Variants in SSH2 observed in about 807,000 individuals in gnomAD.
SSH2 encodes the protein protein phosphatase Slingshot homolog 2.
In SSH2, 37 loss-of-function variants were observed where a neutral mutation model predicts 135.2. The ratio of observed to expected loss-of-function variants is 0.27; its 90% CI spans 0.21 to 0.36. The LOEUF is 0.36. Among genes scored for constraint, SSH2 ranks in the 10% least tolerant of loss-of-function variants. The pLI is 1.00. For missense variants in SSH2, 1,408 were observed against 1,765.3 expected, an observed-to-expected ratio of 0.80 and a Z score of 3.63; for synonymous variants, 628 against 646.2, an observed-to-expected ratio of 0.97 and a Z score of 0.43.
chr17:29,879,970 G>A (rs1010902170), intron 1 of SSH2, among the ~76,000 whole-genome samples: 1 of 152,136 alleles, frequency 6.6e-6, no homozygotes, highest in African/African-American at 2.4e-5. Flanking sequence ...TTTTGCTCAT[G>A]AGACTCAAAT....
At chr17:29,820,565 G>A (rs2042634519) in intron 2 of SSH2, among the ~76,000 whole-genome samples, 1 of 152,180 alleles carries the variant, frequency 6.6e-6, no homozygotes, top group African/African-American at 2.4e-5. Flanking sequence ...TGTTGGTAAT[G>A]CATACACACT....
chr17:29,854,671 G>A (rs1354296099), intron 1 of SSH2, among the ~76,000 whole-genome samples: 1 of 151,662 alleles, frequency 6.6e-6, no homozygotes, highest in African/African-American at 2.4e-5. Context: ...CAAGAGGCCG[G>A]GCACGGTGGC....
intron 3 of SSH2, among the ~76,000 whole-genome samples, chr17:29,728,403 C>T (rs572335122): frequency 7.2e-5 from 11 of 152,052 alleles, no homozygotes; most frequent in South Asian, 4.2e-4. Context: ...AAATTGAAGA[C>T]GACACCAAAA....
intron 3 of SSH2, among the ~76,000 whole-genome samples, chr17:29,793,254 C>T (rs1788566491): frequency 6.6e-6 from 1 of 152,124 alleles, no homozygotes; most frequent in Non-Finnish European, 1.5e-5. Flanking sequence ...ACCCTTCTAA[C>T]AACATGCCCA....
At chr17:29,716,446 T>C (rs908373875) in intron 3 of SSH2, 1 of 673,278 alleles carries the variant, frequency 1.5e-6, no homozygotes, top group African/African-American at 1.8e-5. Context: ...GCAAGAATCT[T>C]GCCCTCAACT....
At chr17:29,702,907 G>T in intron 4 of SSH2, 52 bp downstream of exon 4, 1 of 1,346,450 alleles carries the variant, frequency 7.4e-7, no homozygotes, top group Non-Finnish European at 1.1e-6. Flanking sequence ...CTTTTAGAAT[G>T]TAACAAAAGA....
rs1598658568 is a variant in SSH2, at chr17:29,627,915, T to C, written c.*2926A>G. On this transcript the variant is annotated 3_prime_UTR_variant, in exon 16 of 16. Transcript: ENST00000540801. ...CTCCTCCAAAATAAGTGAGAGTCTATGGTGGTTTAAAAAGAGAGAGAGAGA... is the reference window on the plus strand; with the variant it reads ...CTCCTCCAAAATAAGTGAGAGTCTACGGTGGTTTAAAAAGAGAGAGAGAGA... The C allele has an allele frequency of 6.6e-6, 1 of 152,106 alleles. No individual in the cohort carries two copies. Among genetic ancestry groups the C allele is most frequent in the East Asian group, 1.9e-4 (1 of 5,182 alleles). The allele number at this position is 152,106 out of a possible 1,614,324, so 9.4% of individuals were successfully genotyped here.
intron 15 of SSH2, among the ~76,000 whole-genome samples, chr17:29,633,964 C>T (rs961311874): frequency 1.3e-5 from 2 of 152,200 alleles, no homozygotes; most frequent in Non-Finnish European, 2.9e-5. Flanking sequence ...GCCATGACAT[C>T]AGGCAGAGGC....
intron 1 of SSH2, among the ~76,000 whole-genome samples, chr17:29,922,051 CAGA>C (rs2066985895): frequency 6.6e-6 from 1 of 152,072 alleles, no homozygotes; most frequent in South Asian, 2.1e-4. Context: ...GGAAGCTTCC[CAGA>C]AGAAGTGACA....
chr17:29,774,982 C>CT (rs1216341806), intron 3 of SSH2, among the ~76,000 whole-genome samples: 1 of 152,148 alleles, frequency 6.6e-6, no homozygotes, highest in African/African-American at 2.4e-5. Flanking sequence ...CTGCAGTTCC[C>CT]TTTGAGTTCT....
chr17:29,774,693 G>A (rs1337144854), intron 3 of SSH2, among the ~76,000 whole-genome samples: 1 of 152,166 alleles, frequency 6.6e-6, no homozygotes, highest in Non-Finnish European at 1.5e-5. Context: ...TATATATGCT[G>A]CTGCTTTTTT....
At chr17:29,819,451 G>A (rs2042616008) in intron 2 of SSH2, among the ~76,000 whole-genome samples, 1 of 152,058 alleles carries the variant, frequency 6.6e-6, no homozygotes, top group Non-Finnish European at 1.5e-5. Context: ...AAAATAAATA[G>A]TCAACTGAAA....
chr17:29,657,574 G>GTTTTT (rs764763821), intron 11 of SSH2, among the ~76,000 whole-genome samples: 820 of 80,048 alleles, frequency 0.01, 119 homozygotes, highest in South Asian at 0.041. Flanking sequence ...CGGCTACTTT[G>GTTTTT]TTTTTTTTTT....
chr17:29,647,814 C>T (rs762492626), intron 14 of SSH2: 17 of 259,586 alleles, frequency 6.5e-5, no homozygotes, highest in South Asian at 4.6e-4. Context: ...AGGGGCCCAT[C>T]ATCATGCCCA....
At chr17:29,913,347 A>AAAAAAAAAAAATTATATATATAT in intron 1 of SSH2, among the ~76,000 whole-genome samples, 1 of 28,786 alleles carries the variant, frequency 3.5e-5, no homozygotes, top group Non-Finnish European at 5.9e-5. Flanking sequence ...AAAAAAAAAA[A>AAAAAAAAAAAATTATATATATAT]ATATATATAT....
At chr17:29,921,122 C>A (rs1308877855) in intron 1 of SSH2, among the ~76,000 whole-genome samples, 1 of 152,088 alleles carries the variant, frequency 6.6e-6, no homozygotes, top group Non-Finnish European at 1.5e-5. Context: ...CAATAAAATA[C>A]TAGTGATTAA....
At chr17:29,677,579 A>C in intron 7 of SSH2, 94 bp downstream of exon 7, 1 of 1,031,564 alleles carries the variant, frequency 9.7e-7, no homozygotes, top group Non-Finnish European at 1.5e-6. Context: ...TTCAGTTGGC[A>C]CACTGGGCCT....
At chr17:29,770,098 T>G (rs12947043) in intron 3 of SSH2, among the ~76,000 whole-genome samples, 3 of 102,226 alleles carry the variant, frequency 2.9e-5, no homozygotes, top group South Asian at 2.9e-4. Context: ...TTTAGTTTTT[T>G]TTTTTTTTTT....
At chr17:29,834,152 T>C (rs113465552) in intron 2 of SSH2, among the ~76,000 whole-genome samples, 14 of 151,766 alleles carry the variant, frequency 9.2e-5, no homozygotes, top group African/African-American at 3.1e-4. Flanking sequence ...AGAAACACAA[T>C]AGAAAAATAC....
Sources: gnomAD v4.1 joint callset for allele counts (sites outside exome capture counted in the v4.1 genomes callset) on GRCh38, gnomAD v4.1.1 for gene constraint, MANE v1.5 for transcripts, NCBI Gene and HGNC (gene_info 2026-07-23, HGNC 2026-07-21) for gene names.